The following HMCN1 variants were observed in gnomAD, a reference collection of about 807,000 sequenced individuals.
The protein encoded by HMCN1 is hemicentin-1.
Under a neutral mutation model 625.9 loss-of-function variants are expected in HMCN1, and 321 were observed. The ratio of observed to expected loss-of-function variants is 0.51; its 90% CI spans 0.47 to 0.56. The LOEUF is 0.56. HMCN1 is among the 20% of genes least tolerant of loss of function. HMCN1 has a pLI of 0.00. For synonymous variants in HMCN1, 2,425 were observed against 2,417.6 expected (o/e 1.00, Z -0.09); for missense variants, 6,588 against 6,887.3 (o/e 0.96, Z 1.54).
intron 83 of HMCN1, among the ~76,000 whole-genome samples, chr1:186,129,637 A>G (rs1661823990): frequency 7.4e-6 from 1 of 134,892 alleles, no homozygotes; most frequent in East Asian, 2.3e-4. Context: ...ATATTTCTGA[A>G]TGAAAGATTT....
At position 186,174,521 on chromosome 1, in the gene HMCN1, T is replaced by A. The variant is rs57832192; in HGVS notation, c.15822T>A (p.Asp5274Glu). The A allele has an allele frequency of 1.1e-5, 17 of 1,613,724 alleles. No homozygotes were observed. The highest frequency in any genetic ancestry group is 2.2e-5 in the South Asian group (2 of 91,078). Residue 5274 changes from aspartate to glutamate, a missense_variant, in exon 103 of 107, where the codon GAT (aspartate) becomes GAA (glutamate). By Grantham distance (45) the Asp-to-Glu change is conservative. Coordinates refer to ENST00000271588, the MANE Select transcript of HMCN1 (RefSeq NM_031935.3). ...KAENGTCIDI[D>E]ECKDGTHQCR... ...TTGCCTCCATGTCTGTAGATATTGA[T>A]GAATGTAAAGATGGGACCCATCAGT...
chr1:186,100,148 A>G (rs1660319798), intron 68 of HMCN1, among the ~76,000 whole-genome samples: 1 of 152,122 alleles, frequency 6.6e-6, no homozygotes, highest in Non-Finnish European at 1.5e-5. Flanking sequence ...GAGAAAAACA[A>G]CAATGATATT....
intron 2 of HMCN1, among the ~76,000 whole-genome samples, chr1:185,861,861 A>G (rs553980860): frequency 1.9e-4 from 29 of 152,326 alleles, no homozygotes; most frequent in Middle Eastern, 3.4e-3. Flanking sequence ...AATCTGAAAA[A>G]TATTTACTCA....
At chr1:185,932,791 T>TGTGTGTGTC (rs1162823464) in intron 10 of HMCN1, among the ~76,000 whole-genome samples, 1 of 152,064 alleles carries the variant, frequency 6.6e-6, no homozygotes, top group Non-Finnish European at 1.5e-5. Context: ...GGCACACGTA[T>TGTGTGTGTC]ACCTATGTGA....
Position 185,797,891 on chromosome 1 carries a change from G to A in HMCN1, c.269-48135G>A, listed in dbSNP as rs554642281. Among the ~76,000 whole-genome samples the A allele has an allele frequency of 1.3e-4, 16 of 127,686 alleles. No individual in the cohort carries two copies. In the East Asian group the frequency reaches 2.2e-3, roughly 18 times the overall value. 83.8% of individuals were successfully genotyped at this position (127,686 alleles called of 152,430 possible). A position where few individuals can be genotyped will look rare whatever the true frequency, so the allele number is the denominator to read the frequency against. Reference sequence around the variant, plus strand: ...TGAGGCAGGAGAATGGTGTGAACCCGGGAGGCGGAGCTTGCAGTGAGCCGA... The same window carrying A: ...TGAGGCAGGAGAATGGTGTGAACCCAGGAGGCGGAGCTTGCAGTGAGCCGA... On this transcript the variant is annotated intron_variant, in intron 1 of 106. Coordinates refer to ENST00000271588, the MANE Select transcript of HMCN1 (RefSeq NM_031935.3).
At position 185,991,378 on chromosome 1, in the gene HMCN1, A is replaced by C. The variant is rs1652412117; in HGVS notation, c.3377+935A>C. ...AAAAATTACAGTAATACAGATCAGA[A>C]AGTTTTATTGTTCCCTTCCACAGTC... On this transcript the variant is annotated intron_variant, in intron 22 of 106. Coordinates refer to ENST00000271588, the MANE Select transcript of HMCN1 (RefSeq NM_031935.3). Among the ~76,000 whole-genome samples, 3 of 152,114 alleles carry C rather than the reference A, an allele frequency of 2.0e-5. No homozygotes were observed. The South Asian group carries it at 6.2e-4, about 32-fold the overall frequency.
In HMCN1 at chr1:186,118,306, A is replaced by G. The variant is rs1202679183; in HGVS notation, c.11848+683A>G. 3.3e-5 allele frequency among the ~76,000 whole-genome samples: 5 copies of G among 152,304 alleles called. No homozygotes were observed. The South Asian group carries it at 8.3e-4, about 25-fold the overall frequency. On this transcript the variant is annotated intron_variant, in intron 77 of 106. Coordinates refer to ENST00000271588, the MANE Select transcript of HMCN1 (RefSeq NM_031935.3). ...AAGAGTATGTGCATATTATTCTAAG[A>G]GAATTTGTGTATTTCCTCAATAGAA...
At chr1:185,982,859 A>G (rs1022887758) in intron 18 of HMCN1, among the ~76,000 whole-genome samples, 74 of 152,224 alleles carry the variant, frequency 4.9e-4, no homozygotes, top group African/African-American at 1.8e-3. Context: ...TATTATTGAC[A>G]TATTTTTGTT....
chr1:186,154,079 C>A, intron 97 of HMCN1, 92 bp downstream of exon 97: 1 of 1,009,030 alleles, frequency 9.9e-7, no homozygotes, highest in African/African-American at 1.6e-5. Context: ...CTACATCTAA[C>A]ATGATATCAG....
chr1:185,782,014 A>T (rs547028391), intron 1 of HMCN1, among the ~76,000 whole-genome samples: 233 of 152,286 alleles, frequency 1.5e-3, no homozygotes, highest in Non-Finnish European at 2.4e-3. Context: ...GACTTGTTTT[A>T]TGAATCTGGG....
In HMCN1 at chr1:186,144,671, A is replaced by C; in HGVS notation, c.14234A>C (p.Gln4745Pro). ...AGGAAATGCGAAGGGAGTGATGTCC[A>C]GAGTGATTTTTGCAACAGTGACCCT... ...GGRKCEGSDV[Q>P]SDFCNSDPCP... The change falls in exon 91 of 107, where the codon CAG becomes CCG. Residue 4745 changes from glutamine (Q) to proline (P), a missense_variant. Transcript: ENST00000271588. 1 of 1,614,156 alleles carries C rather than the reference A, an allele frequency of 6.2e-7. No homozygotes were observed. The highest frequency in any genetic ancestry group is 8.5e-7 in the Non-Finnish European group (1 of 1,180,004).
At chr1:186,013,117 T>C (rs541517312) in intron 30 of HMCN1, among the ~76,000 whole-genome samples, 4 of 152,224 alleles carry the variant, frequency 2.6e-5, no homozygotes, top group East Asian at 1.9e-4. Context: ...GTAGCAGCAA[T>C]GAGAATACCG....
chr1:186,136,957 T>C lies in HMCN1; in HGVS notation c.13582+20T>C. ...TCCAGGGTGAGTGTGATCAGAGGAA[T>C]ATTCATAGTAAACAGTACCTGGGGT... On this transcript the variant is annotated intron_variant, in intron 87 of 106. Coordinates refer to ENST00000271588, the MANE Select transcript of HMCN1 (RefSeq NM_031935.3). 1.2e-6 allele frequency: 2 copies of C among 1,611,396 alleles called. No individual in the cohort carries two copies. The highest frequency in any genetic ancestry group is 1.7e-6 in the Non-Finnish European group (2 of 1,179,732).
At chr1:186,119,163 A>G (rs1482426171) in intron 77 of HMCN1, 28 bp from the exon 78 acceptor site, 1 of 1,520,360 alleles carries the variant, frequency 6.6e-7, no homozygotes, top group Non-Finnish European at 9.1e-7. Flanking sequence ...GATGCAGTAT[A>G]TATTAAAACA....
At chr1:186,120,252 C>A (rs140001555) in intron 80 of HMCN1, 107 bp downstream of exon 80, 3 of 1,254,968 alleles carry the variant, frequency 2.4e-6, no homozygotes, top group Non-Finnish European at 3.4e-6. Flanking sequence ...CCATAGTTCT[C>A]GACATTCTTA....
intron 1 of HMCN1, among the ~76,000 whole-genome samples, chr1:185,819,307 A>C (rs73072044): frequency 0.031 from 4,704 of 151,522 alleles, 263 homozygotes; most frequent in African/African-American, 0.11. Context: ...CTATGTCTTT[A>C]TGTCTTTTTC....
Position 185,989,520 on chromosome 1 carries a change from G to A in HMCN1, c.3081G>A (p.Lys1027=). Residue 1027 remains lysine, a synonymous_variant, in exon 21 of 107, where the codon AAG becomes AAA. Transcript: ENST00000271588. ...KGELISTSSA[K]FSAGADGSLY... is the part of the protein sequence containing the mutation. ...AGCTGATTTCAACCAGCAGTGCTAA[G>A]TTTTCAGCAGGAGCTGATGGTAGTC... 2 of 1,614,046 alleles carry A rather than the reference G, an allele frequency of 1.2e-6. No individual in the cohort carries two copies. Among genetic ancestry groups the A allele is most frequent in the African/African-American group, 1.3e-5 (1 of 75,040 alleles).
intron 1 of HMCN1, among the ~76,000 whole-genome samples, chr1:185,773,320 A>G (rs775455688): frequency 6.6e-6 from 1 of 152,174 alleles, no homozygotes; most frequent in Non-Finnish European, 1.5e-5. Context: ...TACTTCAAAG[A>G]CTGAAAAACT....
At chr1:186,110,595 G>A (rs1305759343) in intron 71 of HMCN1, among the ~76,000 whole-genome samples, 4 of 152,304 alleles carry the variant, frequency 2.6e-5, no homozygotes, top group South Asian at 2.1e-4. Context: ...TCGAAGAAGA[G>A]GAAGTAGAAA....
Sources: allele counts gnomAD v4.1 joint callset (sites outside exome capture counted in the v4.1 genomes callset), GRCh38; gene constraint gnomAD v4.1.1; transcripts MANE v1.5; gene names NCBI Gene and HGNC (gene_info 2026-07-23, HGNC 2026-07-21).